The following KCNMB2 variants were observed in gnomAD, a reference collection of about 807,000 sequenced individuals.
The protein encoded by KCNMB2 is potassium calcium-activated channel subfamily M regulatory beta subunit 2.
A neutral mutation model predicts 24.5 loss-of-function variants in KCNMB2; 9 were observed. The observed-to-expected ratio is 0.37, with a 90% CI of 0.22 to 0.64. The LOEUF (loss-of-function observed/expected upper bound fraction) is 0.64, where lower values mean the gene tolerates loss of function less well. KCNMB2 is among the 30% of genes least tolerant of loss of function. KCNMB2 has a pLI of 0.63. For synonymous variants in KCNMB2, 109 were observed against 104.4 expected, an observed-to-expected ratio of 1.04 and a Z score of -0.27; for missense variants, 226 against 284.3, an observed-to-expected ratio of 0.79 and a Z score of 1.47.
intron 2 of KCNMB2, among the ~76,000 whole-genome samples, chr3:178,822,425 T>C (rs866532101): frequency 2.3e-4 from 35 of 152,244 alleles, no homozygotes; most frequent in Admixed American, 1.3e-4. Flanking sequence ...TGCTCCATCA[T>C]TAAGTTTTTC....
intron 1 of KCNMB2, among the ~76,000 whole-genome samples, chr3:178,625,742 T>C (rs1362938032): frequency 6.6e-6 from 1 of 152,182 alleles, no homozygotes; most frequent in Non-Finnish European, 1.5e-5. Context: ...TCTGAACCTG[T>C]TTTCAACTCC....
At chr3:178,757,083 T>C (rs915857993) in intron 1 of KCNMB2, 1 of 151,404 alleles carries the variant, frequency 6.6e-6, no homozygotes, top group Non-Finnish European at 1.5e-5. Context: ...TGCTTACCTC[T>C]CTTACATTTC....
At chr3:178,797,462 T>TCCCTGA (rs1713595617) in intron 1 of KCNMB2, among the ~76,000 whole-genome samples, 1 of 152,158 alleles carries the variant, frequency 6.6e-6, no homozygotes, top group Non-Finnish European at 1.5e-5. Context: ...CTGATGAATA[T>TCCCTGA]TGATGCAAAA....
chr3:178,580,262 T>G (rs1717150098), intron 1 of KCNMB2, among the ~76,000 whole-genome samples: 1 of 152,110 alleles, frequency 6.6e-6, no homozygotes, highest in Non-Finnish European at 1.5e-5. Context: ...CCAGAACCAA[T>G]GACAGAAACC....
chr3:178,598,601 C>G (rs911263813), intron 1 of KCNMB2, among the ~76,000 whole-genome samples: 1 of 151,882 alleles, frequency 6.6e-6, no homozygotes, highest in Non-Finnish European at 1.5e-5. Context: ...AAAGAAGGAA[C>G]CAGCATGGAA....
chr3:178,637,538 T>C (rs1406100543), intron 1 of KCNMB2, among the ~76,000 whole-genome samples: 3 of 152,200 alleles, frequency 2.0e-5, no homozygotes, highest in African/African-American at 7.2e-5. Flanking sequence ...ACATTGGTCT[T>C]TAGTTTCCCC....
intron 1 of KCNMB2, among the ~76,000 whole-genome samples, chr3:178,786,723 A>G (rs959609947): frequency 1.1e-4 from 17 of 152,142 alleles, no homozygotes; most frequent in African/African-American, 4.1e-4. Context: ...TGTACCCTAA[A>G]ACTTAAAGTA....
intron 1 of KCNMB2, among the ~76,000 whole-genome samples, chr3:178,719,990 T>A (rs1038493005): frequency 8.5e-5 from 13 of 152,234 alleles, no homozygotes; most frequent in Admixed American, 3.9e-4. Context: ...TGTTTTTTTT[T>A]AAATTATACT....
intron 1 of KCNMB2, among the ~76,000 whole-genome samples, chr3:178,562,949 A>G (rs750204195): frequency 6.6e-6 from 1 of 152,238 alleles, no homozygotes; most frequent in Non-Finnish European, 1.5e-5. Context: ...TTTGGATGTA[A>G]AAACAAAACA....
chr3:178,591,443 G>A (rs1363169324), intron 1 of KCNMB2, among the ~76,000 whole-genome samples: 1 of 152,112 alleles, frequency 6.6e-6, no homozygotes, highest in South Asian at 2.1e-4. Context: ...GGAACTCATG[G>A]TTTCCATTTT....
At chr3:178,729,689 A>C (rs182163107) in intron 1 of KCNMB2, among the ~76,000 whole-genome samples, 1 of 152,194 alleles carries the variant, frequency 6.6e-6, no homozygotes, top group African/African-American at 2.4e-5. Context: ...TTCCAGGCAT[A>C]TTTTACACTT....
intron 1 of KCNMB2, among the ~76,000 whole-genome samples, chr3:178,580,920 A>G (rs939961428): frequency 6.6e-6 from 1 of 152,222 alleles, no homozygotes; most frequent in Non-Finnish European, 1.5e-5. Flanking sequence ...AAGAATCAAT[A>G]TAGTTAAAAT....
intron 1 of KCNMB2, among the ~76,000 whole-genome samples, chr3:178,772,100 C>A (rs1028317958): frequency 7.2e-5 from 11 of 152,096 alleles, no homozygotes; most frequent in Non-Finnish European, 2.9e-5. Context: ...CTAACGATCC[C>A]CTCCTCCCAC....
intron 1 of KCNMB2, among the ~76,000 whole-genome samples, chr3:178,692,409 T>G (rs537603686): frequency 6.6e-6 from 1 of 152,216 alleles, no homozygotes; most frequent in African/African-American, 2.4e-5. Context: ...CCATCTTGAG[T>G]TAATTTTTGC....
At chr3:178,735,881 G>A (rs1255299538) in intron 1 of KCNMB2, among the ~76,000 whole-genome samples, 2 of 152,132 alleles carry the variant, frequency 1.3e-5, no homozygotes, top group African/African-American at 4.8e-5. Flanking sequence ...TAGCACAGAG[G>A]GACAGAGACA....
intron 1 of KCNMB2, among the ~76,000 whole-genome samples, chr3:178,605,960 G>GA (rs953649743): frequency 1.3e-5 from 2 of 152,108 alleles, no homozygotes; most frequent in African/African-American, 4.8e-5. Flanking sequence ...CAAAAATTGA[G>GA]AAAAAATGTT....
chr3:178,586,538 CTTTTTTTTTTTTTT>C (rs10677144), intron 1 of KCNMB2, among the ~76,000 whole-genome samples: 2 of 68,496 alleles, frequency 2.9e-5, no homozygotes, highest in South Asian at 1.3e-3. Context: ...TTTTTTCTTT[CTTTTTTTTTTTTTT>C]TTTTTTTTTT....
chr3:178,662,631 A>C (rs770847618), intron 1 of KCNMB2, among the ~76,000 whole-genome samples: 34 of 152,186 alleles, frequency 2.2e-4, no homozygotes, highest in Admixed American at 7.9e-4. Context: ...ACTTGTTCAA[A>C]TATAAATTGT....
intron 1 of KCNMB2, among the ~76,000 whole-genome samples, chr3:178,772,400 G>C (rs150213813): frequency 1.3e-5 from 2 of 152,282 alleles, no homozygotes; most frequent in Admixed American, 1.3e-4. Context: ...AATTTTGGGG[G>C]CAGGTCTTTC....
Sources: gnomAD v4.1 joint callset for allele counts (sites outside exome capture counted in the v4.1 genomes callset) on GRCh38, gnomAD v4.1.1 for gene constraint, MANE v1.5 for transcripts, NCBI Gene and HGNC (gene_info 2026-07-23, HGNC 2026-07-21) for gene names.